BACH2: variants seen among roughly 807,000 people sequenced by gnomAD.
The protein encoded by BACH2 is BACH transcriptional regulator 2.
In BACH2, 5 loss-of-function variants were observed where a neutral mutation model predicts 61.8. The observed-to-expected ratio is 0.08, with a 90% CI of 0.04 to 0.17. BACH2 has a LOEUF of 0.17. Among genes scored for constraint, BACH2 ranks in the 10% least tolerant of loss-of-function variants. The pLI is 1.00. For missense variants in BACH2, 824 were observed against 1,091.1 expected (o/e 0.76, Z 3.45); for synonymous variants, 446 against 440.1 (o/e 1.01, Z -0.17).
rs372823313 is a variant in BACH2, at chr6:90,062,992, A to T, written c.-13+25969T>A. 64 of 908,238 alleles carry T rather than the reference A, an allele frequency of 7.0e-5. 1 individual carries two copies. The East Asian group carries it at 3.3e-3, about 47-fold the overall frequency. The allele number at this position is 908,238 out of a possible 1,614,324, so 56.3% of individuals were successfully genotyped here. On this transcript the variant is annotated intron_variant, in intron 5 of 8. Transcript: ENST00000257749. ...GCAATTTGAATAAAATGAAAATACA[A>T]CCAGATGTATAGGGAAAAGAGTTTT...
At chr6:90,238,119 C>A (rs117320758) in intron 3 of BACH2, among the ~76,000 whole-genome samples, 1 of 152,186 alleles carries the variant, frequency 6.6e-6, no homozygotes, top group South Asian at 2.1e-4. Context: ...CAAATACATT[C>A]ATGTCTAAGA....
intron 1 of BACH2, among the ~76,000 whole-genome samples, chr6:90,287,219 T>C (rs1772046217): frequency 6.6e-6 from 1 of 152,212 alleles, no homozygotes. Context: ...ATAGTTTAAT[T>C]AATCAACCAA....
chr6:90,136,916 T>C (rs1363305748), intron 4 of BACH2, among the ~76,000 whole-genome samples: 1 of 151,874 alleles, frequency 6.6e-6, no homozygotes, highest in Non-Finnish European at 1.5e-5. Context: ...TGGACTTATG[T>C]GAAGAAGCTA....
At chr6:90,199,415 A>T (rs1768878234) in intron 4 of BACH2, among the ~76,000 whole-genome samples, 1 of 152,244 alleles carries the variant, frequency 6.6e-6, no homozygotes, top group Non-Finnish European at 1.5e-5. Context: ...TTACACACAC[A>T]CGCACACATT....
chr6:90,251,961 A>G (rs1770824306), intron 3 of BACH2, among the ~76,000 whole-genome samples: 1 of 152,200 alleles, frequency 6.6e-6, no homozygotes, highest in Admixed American at 6.5e-5. Context: ...AGACAGAAAG[A>G]AGAAAGGAAA....
chr6:90,046,372 G>A (rs1266819066), intron 5 of BACH2, among the ~76,000 whole-genome samples: 5 of 152,154 alleles, frequency 3.3e-5, no homozygotes, highest in African/African-American at 1.2e-4. Context: ...TGCCATCAAG[G>A]ACAGATGAGA....
At chr6:90,291,301 A>G (rs961922494) in intron 1 of BACH2, among the ~76,000 whole-genome samples, 6 of 152,120 alleles carry the variant, frequency 3.9e-5, no homozygotes, top group African/African-American at 1.4e-4. Context: ...TCAAGGAAAA[A>G]CAAATGGCAA....
intron 4 of BACH2, among the ~76,000 whole-genome samples, chr6:90,115,055 G>A (rs1334692774): frequency 2.6e-5 from 4 of 152,012 alleles, no homozygotes; most frequent in African/African-American, 7.2e-5. Context: ...TCCCATGCGC[G>A]TGGATAGGAA....
Position 90,191,196 on chromosome 6 carries a change from G to T in BACH2, c.-162+15373C>A, listed in dbSNP as rs201008548. 4.6e-5 allele frequency among the ~76,000 whole-genome samples: 7 copies of T among 152,354 alleles called. No individual in the cohort carries two copies. In the East Asian group the frequency reaches 1.3e-3, roughly 29 times the overall value. ...TGGCCACATTCAGAAAGGAGGGCAA[G>T]TGTGAGAGTGTGAAGTAGAAACCAG... On this transcript the variant is annotated intron_variant, in intron 4 of 8. Coordinates refer to ENST00000257749, the MANE Select transcript of BACH2 (RefSeq NM_021813.4).
At chr6:90,054,864 G>A (rs1397359514) in intron 5 of BACH2, among the ~76,000 whole-genome samples, 4 of 152,198 alleles carry the variant, frequency 2.6e-5, no homozygotes, top group African/African-American at 9.7e-5. Flanking sequence ...GGCAAACAAG[G>A]TCTGGAGTGG....
chr6:90,106,363 C>T (rs1009331837), intron 4 of BACH2, among the ~76,000 whole-genome samples: 6 of 152,046 alleles, frequency 3.9e-5, no homozygotes, highest in South Asian at 2.1e-4. Context: ...AATGGTGGTC[C>T]CATAGATTCT....
chr6:90,049,882 T>C (rs1030334448), intron 5 of BACH2, among the ~76,000 whole-genome samples: 8 of 152,210 alleles, frequency 5.3e-5, no homozygotes, highest in African/African-American at 1.9e-4. Flanking sequence ...CACAAGTAAC[T>C]GTTTTCAGAG....
intron 4 of BACH2, among the ~76,000 whole-genome samples, chr6:90,134,113 A>G (rs1380442532): frequency 6.6e-6 from 1 of 152,188 alleles, no homozygotes; most frequent in African/African-American, 2.4e-5. Context: ...AGGAATCGCC[A>G]CACTGACTTC....
At chr6:89,934,495 T>C (rs1772884111) in intron 8 of BACH2, among the ~76,000 whole-genome samples, 1 of 152,010 alleles carries the variant, frequency 6.6e-6, no homozygotes, top group Non-Finnish European at 1.5e-5. Flanking sequence ...CTGTCTTTAC[T>C]AAAAATACAA....
At chr6:90,135,619 T>C (rs770912817) in intron 4 of BACH2, among the ~76,000 whole-genome samples, 1 of 151,996 alleles carries the variant, frequency 6.6e-6, no homozygotes, top group African/African-American at 2.4e-5. Context: ...GAGAGCTGAG[T>C]AGGAGGACTG....
intron 5 of BACH2, among the ~76,000 whole-genome samples, chr6:90,035,014 G>A (rs1458602446): frequency 1.3e-5 from 2 of 152,020 alleles, no homozygotes. Context: ...AATCACATTT[G>A]GTATGTGACA....
intron 6 of BACH2, among the ~76,000 whole-genome samples, chr6:89,983,784 C>T (rs536856870): frequency 1.1e-4 from 17 of 152,250 alleles, no homozygotes; most frequent in African/African-American, 3.4e-4. Context: ...GGCTACTTAG[C>T]GGTATTGAAA....
At chr6:90,057,587 C>T (rs1780436365) in intron 5 of BACH2, among the ~76,000 whole-genome samples, 2 of 152,294 alleles carry the variant, frequency 1.3e-5, no homozygotes, top group Admixed American at 6.5e-5. Flanking sequence ...CTATTCCAAT[C>T]AACAGAAAAA....
intron 5 of BACH2, among the ~76,000 whole-genome samples, chr6:90,063,360 C>A (rs917765506): frequency 7.9e-5 from 12 of 152,154 alleles, no homozygotes; most frequent in Non-Finnish European, 1.3e-4. Flanking sequence ...TCCTAAGAAG[C>A]ATGAAATATC....
Sources: allele counts gnomAD v4.1 joint callset (sites outside exome capture counted in the v4.1 genomes callset), GRCh38; gene constraint gnomAD v4.1.1; transcripts MANE v1.5; gene names NCBI Gene and HGNC (gene_info 2026-07-23, HGNC 2026-07-21).